ADGRL2: variants seen among roughly 807,000 people sequenced by gnomAD.
ADGRL2 encodes calcium-independent alpha-latrotoxin receptor 2.
A neutral mutation model predicts 157.4 loss-of-function variants in ADGRL2; 44 were observed. The observed-to-expected ratio is 0.28, with a 90% CI of 0.22 to 0.36. ADGRL2 has a LOEUF of 0.36. Ranked by LOEUF, ADGRL2 falls within the 10% of genes least tolerant of loss-of-function variation. ADGRL2 has a pLI of 1.00. For synonymous variants in ADGRL2, 585 were observed against 624.7 expected, an observed-to-expected ratio of 0.94 and a Z score of 0.95; for missense variants, 1,510 against 1,768.9, an observed-to-expected ratio of 0.85 and a Z score of 2.63.
intron 1 of ADGRL2, among the ~76,000 whole-genome samples, chr1:81,415,907 C>G (rs2077024879): frequency 6.7e-6 from 1 of 149,882 alleles, no homozygotes. Flanking sequence ...GTGGTGCGAT[C>G]TCAGCTCACT....
intron 3 of ADGRL2, among the ~76,000 whole-genome samples, chr1:81,653,858 C>T (rs553681275): frequency 1.8e-3 from 281 of 152,234 alleles, no homozygotes; most frequent in South Asian, 3.5e-3. Context: ...CTAAATGACT[C>T]GTCATCATCT....
intron 2 of ADGRL2, among the ~76,000 whole-genome samples, chr1:81,866,516 C>T (rs1398582759): frequency 1.3e-5 from 2 of 152,070 alleles, no homozygotes; most frequent in Admixed American, 1.3e-4. Flanking sequence ...TATATTCTGG[C>T]ATCCTTTTAA....
chr1:81,701,734 T>C (rs2083580853), intron 1 of ADGRL2, among the ~76,000 whole-genome samples: 1 of 152,248 alleles, frequency 6.6e-6, no homozygotes, highest in South Asian at 2.1e-4. Context: ...ATTTCAATGC[T>C]TTTCAGTTCT....
At chr1:81,951,914 A>G in intron 8 of ADGRL2, 43 bp from the exon 9 acceptor site, 1 of 1,504,786 alleles carries the variant, frequency 6.6e-7, no homozygotes. Context: ...AGCTGTAAAC[A>G]GAAAAAAAAA....
chr1:81,773,015 A>G (rs946991126), intron 2 of ADGRL2, among the ~76,000 whole-genome samples: 1 of 152,142 alleles, frequency 6.6e-6, no homozygotes, highest in African/African-American at 2.4e-5. Flanking sequence ...TTTTTTTAGA[A>G]AGGAGTTGTG....
chr1:81,818,360 A>AT (rs967056366), intron 1 of ADGRL2, among the ~76,000 whole-genome samples: 5 of 152,074 alleles, frequency 3.3e-5, no homozygotes, highest in Non-Finnish European at 5.9e-5. Flanking sequence ...AATGTCTTGG[A>AT]TTTTACATTC....
At chr1:81,965,959 A>G (rs1237622521) in intron 11 of ADGRL2, 99 bp from the exon 12 acceptor site, 1 of 1,254,888 alleles carries the variant, frequency 8.0e-7, no homozygotes, top group Non-Finnish European at 1.1e-6. Flanking sequence ...AAGTAGGCAA[A>G]AAGAAAACAG....
At chr1:81,899,902 C>T (rs2094457373) in intron 2 of ADGRL2, among the ~76,000 whole-genome samples, 2 of 152,284 alleles carry the variant, frequency 1.3e-5, no homozygotes, top group South Asian at 4.1e-4. Flanking sequence ...CTAGTAGCAG[C>T]CAGCATACCA....
chr1:81,727,291 T>G (rs781565001), intron 1 of ADGRL2, among the ~76,000 whole-genome samples: 1 of 152,140 alleles, frequency 6.6e-6, no homozygotes, highest in Non-Finnish European at 1.5e-5. Context: ...ACATAATTAG[T>G]GGAAAATAAA....
At chr1:81,448,137 C>CTTTTTTTTT (rs1168945231) in intron 2 of ADGRL2, among the ~76,000 whole-genome samples, 108 of 83,502 alleles carry the variant, frequency 1.3e-3, no homozygotes, top group East Asian at 1.9e-3. Flanking sequence ...TTCTTTCTTT[C>CTTTTTTTTT]TTTTTTTTTT....
intron 3 of ADGRL2, among the ~76,000 whole-genome samples, chr1:81,635,758 G>A (rs2148777586): frequency 6.6e-6 from 1 of 152,262 alleles, no homozygotes; most frequent in East Asian, 1.9e-4. Flanking sequence ...TCAATGTGTG[G>A]ATTTGTGGGG....
intron 3 of ADGRL2, among the ~76,000 whole-genome samples, chr1:81,590,035 A>C (rs897259275): frequency 1.3e-5 from 2 of 152,112 alleles, no homozygotes; most frequent in African/African-American, 4.8e-5. Context: ...TCTTATATCT[A>C]CCAATCCTAA....
intron 1 of ADGRL2, among the ~76,000 whole-genome samples, chr1:81,823,542 G>T (rs1302756761): frequency 6.6e-6 from 1 of 152,044 alleles, no homozygotes; most frequent in African/African-American, 2.4e-5. Flanking sequence ...TGAAGTGATA[G>T]ACATGAAAGC....
At chr1:81,801,760 C>T (rs968498237) in intron 1 of ADGRL2, among the ~76,000 whole-genome samples, 7 of 152,306 alleles carry the variant, frequency 4.6e-5, no homozygotes, top group African/African-American at 1.7e-4. Context: ...GCCTGACAAA[C>T]TGAGTTGGCC....
chr1:81,453,289 A>G (rs1488047210), intron 2 of ADGRL2, among the ~76,000 whole-genome samples: 2 of 152,068 alleles, frequency 1.3e-5, no homozygotes, highest in Admixed American at 1.3e-4. Flanking sequence ...TAAACTAATC[A>G]TTGTTTCATT....
rs1255890528 is a variant in ADGRL2, at chr1:81,361,037, C to T, written c.-302+54528C>T. 2.0e-5 allele frequency among the ~76,000 whole-genome samples: 3 copies of T among 151,880 alleles called. No homozygotes were observed. The South Asian group carries it at 6.2e-4, about 31-fold the overall frequency. On this transcript the variant is annotated intron_variant, in intron 1 of 24. Transcript: ENST00000370721. ...CCCCCATAAGAAGAAAGCCCCTAAT[C>T]TTGCACTGTTGGGCAATGTTAGTTG...
chr1:81,659,064 T>TG (rs2082597788), intron 3 of ADGRL2, among the ~76,000 whole-genome samples: 1 of 134,844 alleles, frequency 7.4e-6, no homozygotes, highest in African/African-American at 2.8e-5. Context: ...TTTTTTTTTT[T>TG]TTTTTTTTTT....
In ADGRL2 at chr1:81,861,014, C is replaced by CTT. The variant is rs36062412; in HGVS notation, c.73+23975_73+23976dup. Among the ~76,000 whole-genome samples, 485 of 118,470 alleles carry CTT rather than the reference C, an allele frequency of 4.1e-3. 7 individuals are homozygous for CTT. Among genetic ancestry groups the CTT allele is most frequent in the East Asian group, 7.7e-3 (33 of 4,302 alleles). 77.7% of individuals were successfully genotyped at this position (118,470 alleles called of 152,430 possible). A position where few individuals can be genotyped will look rare whatever the true frequency, so the allele number is the denominator to read the frequency against. ...TTAGGATATGTACATATTTCACTGA[C>CTT]TTTTTTTTTTTTTTTTTTTGAGGTG... On this transcript the variant is annotated intron_variant, in intron 2 of 23. Transcript: ENST00000686636.
chr1:81,955,961 A>C lies in ADGRL2; in HGVS notation c.1918A>C (p.Thr640Pro). ...TATGAATTCTTCTGAACAAGCACATACTGCAACAATGTTACTCGATACATT... is the reference window on the plus strand; with the variant it reads ...TATGAATTCTTCTGAACAAGCACATCCTGCAACAATGTTACTCGATACATT... ...KHMNSSEQAH[T>P]ATMLLDTLEE... Residue 640 changes from threonine (T) to proline (P), a missense_variant, in exon 11 of 24, where the codon ACT (threonine) becomes CCT (proline). Transcript: ENST00000686636. 6.2e-7 allele frequency: 1 copy of C among 1,611,128 alleles called. No homozygotes were observed. The highest frequency in any genetic ancestry group is 8.5e-7 in the Non-Finnish European group (1 of 1,178,610).
Sources: gnomAD v4.1 joint callset for allele counts (sites outside exome capture counted in the v4.1 genomes callset) on GRCh38, gnomAD v4.1.1 for gene constraint, MANE v1.5 for transcripts, NCBI Gene and HGNC (gene_info 2026-07-23, HGNC 2026-07-21) for gene names.